Variants in PLD3 observed in about 807,000 individuals in gnomAD.
The protein encoded by PLD3 is phospholipase D family member 3.
In PLD3, 31 loss-of-function variants were observed where a neutral mutation model predicts 58.4. The ratio of observed to expected loss-of-function variants is 0.53; its 90% CI spans 0.40 to 0.72. The LOEUF (loss-of-function observed/expected upper bound fraction) is 0.72, where lower values mean the gene tolerates loss of function less well. PLD3 is among the 30% of genes least tolerant of loss of function. The pLI is 0.00. For synonymous variants in PLD3, 264 were observed against 273.4 expected, an observed-to-expected ratio of 0.97 and a Z score of 0.34; for missense variants, 595 against 659.8, an observed-to-expected ratio of 0.90 and a Z score of 1.08.
intron 1 of PLD3, among the ~76,000 whole-genome samples, chr19:40,363,683 G>A (rs991971785): frequency 1.3e-5 from 2 of 151,908 alleles, no homozygotes; most frequent in South Asian, 2.1e-4. Context: ...CACCCACCTC[G>A]GCCTCCCAAA....
At chr19:40,368,481 T>C (rs2078984342) in intron 6 of PLD3, among the ~76,000 whole-genome samples, 1 of 152,204 alleles carries the variant, frequency 6.6e-6, no homozygotes, top group Admixed American at 6.5e-5. Flanking sequence ...ACAGCCTACA[T>C]GGATAACCTC....
intron 5 of PLD3, chr19:40,367,400 G>A: frequency 3.2e-6 from 1 of 313,226 alleles, no homozygotes; most frequent in Non-Finnish European, 5.9e-6. Context: ...GGGCAATGTA[G>A]TGCGGCTCCA....
intron 11 of PLD3, among the ~76,000 whole-genome samples, 164 bp downstream of exon 11, chr19:40,376,938 G>A (rs2079220987): frequency 6.6e-6 from 1 of 151,648 alleles, no homozygotes; most frequent in Non-Finnish European, 1.5e-5. Flanking sequence ...AGGGAGAGGG[G>A]CCAGGACCGG....
Position 40,378,447 on chromosome 19 carries a change from G to T in PLD3, c.*274G>T. Reference sequence around the variant, plus strand: ...CCACCCCCACTTTCCAGGGCAAAAAGGGCCCAGGGTTATAATAAGTAAATA... The same window carrying T: ...CCACCCCCACTTTCCAGGGCAAAAATGGCCCAGGGTTATAATAAGTAAATA... On this transcript the variant is annotated 3_prime_UTR_variant, in exon 13 of 13. Transcript: ENST00000409735. 1.8e-6 allele frequency: 1 copy of T among 564,402 alleles called. No homozygotes were observed. Among genetic ancestry groups the T allele is most frequent in the South Asian group, 2.0e-5 (1 of 50,638 alleles). 35.0% of individuals were successfully genotyped at this position (564,402 alleles called of 1,614,324 possible).
chr19:40,375,426 G>A (rs1034848230), intron 10 of PLD3, among the ~76,000 whole-genome samples: 2 of 151,632 alleles, frequency 1.3e-5, no homozygotes, highest in East Asian at 2.0e-4. Context: ...TGAGGCGGGT[G>A]GATCACGAGG....
intron 1 of PLD3, among the ~76,000 whole-genome samples, chr19:40,364,854 C>T (rs2078878162): frequency 1.3e-5 from 2 of 151,332 alleles, no homozygotes; most frequent in Admixed American, 1.3e-4. Context: ...GTCCCAGCTG[C>T]TTGGGAGGCT....
In PLD3 at chr19:40,367,626, C is replaced by G. The variant is rs772205548; in HGVS notation, c.246-70C>G. ...TCTATCCAACACACCCATGGACGGA[C>G]AGCTGAGCACTCACCTCCCAGCCCT... On this transcript the variant is annotated intron_variant, in intron 5 of 12. Coordinates refer to ENST00000409735, the MANE Select transcript of PLD3 (RefSeq NM_012268.4). 7.5e-6 allele frequency: 10 copies of G among 1,335,326 alleles called. No homozygotes were observed. The Admixed American group carries it at 1.2e-4, about 17-fold the overall frequency. 82.7% of individuals were successfully genotyped at this position (1,335,326 alleles called of 1,614,324 possible). A position where few individuals can be genotyped will look rare whatever the true frequency, so the allele number is the denominator to read the frequency against.
At chr19:40,371,538 G>A in intron 8 of PLD3, 135 bp from the exon 9 acceptor site, 1 of 613,406 alleles carries the variant, frequency 1.6e-6, no homozygotes, top group East Asian at 2.8e-5. Context: ...AATCATTCTA[G>A]GACTTTAGCT....
In PLD3 at chr19:40,365,719, C is replaced by G. The variant is rs1359896407; in HGVS notation, c.-277C>G. 4 of 152,620 alleles carry G rather than the reference C, an allele frequency of 2.6e-5. No individual in the cohort carries two copies. The highest frequency in any genetic ancestry group is 2.6e-4 in the Admixed American group (4 of 15,292). 9.5% of individuals were successfully genotyped at this position (152,620 alleles called of 1,614,324 possible). A position where few individuals can be genotyped will look rare whatever the true frequency, so the allele number is the denominator to read the frequency against. ...TGTACTACCCCCCAACCCGGCCAGG[C>G]TGGAGCGACCGTGTCTGGGGAGCCG... On this transcript the variant is annotated splice_region_variant and 5_prime_UTR_variant, in exon 2 of 13. Coordinates refer to ENST00000409735, the MANE Select transcript of PLD3 (RefSeq NM_012268.4).
In PLD3 at chr19:40,364,749, T is replaced by C. The variant is rs989914740; in HGVS notation, c.-278-969T>C. On this transcript the variant is annotated intron_variant, in intron 1 of 12. Coordinates refer to ENST00000409735, the MANE Select transcript of PLD3 (RefSeq NM_012268.4). ...AGGTGGAGGTTGCAGTGAGCCGAGA[T>C]GGCGCCACTGCACTCCAGCGTGGGA... Among the ~76,000 whole-genome samples the C allele has an allele frequency of 2.8e-5, 4 of 145,414 alleles. No homozygotes were observed. The Admixed American group carries it at 2.8e-4, about 10-fold the overall frequency.
intron 1 of PLD3, among the ~76,000 whole-genome samples, chr19:40,362,230 A>G (rs2078805270): frequency 6.6e-6 from 1 of 152,246 alleles, no homozygotes; most frequent in Non-Finnish European, 1.5e-5. Flanking sequence ...AAATGTGTGT[A>G]AAATTAACGA....
rs60422933 is a variant in PLD3, at chr19:40,355,612, CTTTTTT to C, written c.-279+6864_-279+6869del. On this transcript the variant is annotated intron_variant, in intron 1 of 12. Coordinates refer to ENST00000409735, the MANE Select transcript of PLD3 (RefSeq NM_012268.4). ...CAGGTGTGAGCCACCGTGCCGGCTCCTTTTTTTTTTTTTTTTTTTTTTTTTCCTGCA... is the reference window on the plus strand; with the variant it reads ...CAGGTGTGAGCCACCGTGCCGGCTCCTTTTTTTTTTTTTTTTTTTCCTGCA... Among the ~76,000 whole-genome samples the C allele has an allele frequency of 4.2e-4, 34 of 81,104 alleles. 1 individual carries two copies. Among genetic ancestry groups the C allele is most frequent in the Admixed American group, 2.0e-3 (12 of 5,962 alleles). The allele number at this position is 81,104 out of a possible 152,430, so 53.2% of individuals were successfully genotyped here. A position where few individuals can be genotyped will look rare whatever the true frequency, so the allele number is the denominator to read the frequency against.
intron 5 of PLD3, 152 bp downstream of exon 5, chr19:40,367,067 C>T (rs963868746): frequency 1.4e-6 from 1 of 725,634 alleles, no homozygotes; most frequent in African/African-American, 1.8e-5. Context: ...GCCCCCTCCT[C>T]CTCCACACAC....
rs1186486683 is a variant in PLD3 at position 40,365,747 on chromosome 19, C to G, written c.-249C>G. 6.6e-6 allele frequency: 1 copy of G among 152,644 alleles called. No homozygotes were observed. The highest frequency in any genetic ancestry group is 1.5e-5 in the Non-Finnish European group (1 of 68,340). 9.5% of individuals were successfully genotyped at this position (152,644 alleles called of 1,614,324 possible). ...GAGCGACCGTGTCTGGGGAGCCGAG[C>G]CCCGCTTCTCGCTGCGGTGAGCCCG... On this transcript the variant is annotated 5_prime_UTR_variant, in exon 2 of 13. Coordinates refer to ENST00000409735, the MANE Select transcript of PLD3 (RefSeq NM_012268.4).
chr19:40,364,420 A>G (rs2078863493), intron 1 of PLD3, among the ~76,000 whole-genome samples: 1 of 151,988 alleles, frequency 6.6e-6, no homozygotes, highest in Non-Finnish European at 1.5e-5. Flanking sequence ...TGGGAGGCCA[A>G]GGTAGGAGGA....
At chr19:40,350,793 G>C (rs938972834) in intron 1 of PLD3, among the ~76,000 whole-genome samples, 1 of 151,928 alleles carries the variant, frequency 6.6e-6, no homozygotes, top group Non-Finnish European at 1.5e-5. Context: ...ACACTCTAGT[G>C]GGGGTAAGAG....
chr19:40,351,880 C>T (rs1023109099), intron 1 of PLD3, among the ~76,000 whole-genome samples: 1 of 152,168 alleles, frequency 6.6e-6, no homozygotes, highest in Admixed American at 6.6e-5. Flanking sequence ...TACCCAGGAT[C>T]GACTAGTGAG....
In PLD3 at chr19:40,370,230, T is replaced by G. The variant is rs781644922; in HGVS notation, c.671T>G (p.Leu224Arg). ...LGSANMDWRSLTQVKELGVVM... is the reference protein window; with the variant it reads ...LGSANMDWRSRTQVKELGVVM... ...AGTGCCAACATGGACTGGCGTTCAC[T>G]GACCCAGGTCTGTCTGCACCCTGTC... The change falls in exon 8 of 13, where the codon CTG becomes CGG. Residue 224 changes from leucine (L) to arginine (R), a missense_variant. Physicochemically the swap from Leu to Arg is moderately radical, Grantham distance 102. Transcript: ENST00000409735. The G allele has an allele frequency of 1.2e-6, 2 of 1,613,172 alleles. No individual in the cohort carries two copies. Among genetic ancestry groups the G allele is most frequent in the Non-Finnish European group, 1.7e-6 (2 of 1,179,502 alleles).
intron 11 of PLD3, among the ~76,000 whole-genome samples, chr19:40,377,355 T>C (rs1195927583): frequency 1.4e-5 from 1 of 71,616 alleles, no homozygotes; most frequent in African/African-American, 6.5e-5. Flanking sequence ...GGGTCAGGGC[T>C]GGGATGGGGG....
Sources: allele counts gnomAD v4.1 joint callset (sites outside exome capture counted in the v4.1 genomes callset), GRCh38; gene constraint gnomAD v4.1.1; transcripts MANE v1.5; gene names NCBI Gene and HGNC (gene_info 2026-07-23, HGNC 2026-07-21).